Variants in TMEM132D observed in about 807,000 individuals in gnomAD.
The protein encoded by TMEM132D is transmembrane protein 132D, also known as mature OL transmembrane protein.
TMEM132D carries 21 observed loss-of-function variants against 62.3 expected under a neutral mutation model. The ratio of observed to expected loss-of-function variants is 0.34; its 90% CI spans 0.24 to 0.49. The LOEUF is 0.49. Among genes scored for constraint, TMEM132D ranks in the 20% least tolerant of loss-of-function variants. The pLI is 0.99. For missense variants in TMEM132D, 1,346 were observed against 1,402.8 expected, an observed-to-expected ratio of 0.96 and a Z score of 0.65; for synonymous variants, 621 against 575.6, an observed-to-expected ratio of 1.08 and a Z score of -1.13.
At chr12:129,490,593 C>A (rs1358559480) in intron 3 of TMEM132D, among the ~76,000 whole-genome samples, 126 of 96,208 alleles carry the variant, frequency 1.3e-3, no homozygotes, top group African/African-American at 6.4e-3. Flanking sequence ...CCACGCCCGG[C>A]TAATTTTTTT....
At chr12:129,452,830 A>C (rs1294360076) in intron 3 of TMEM132D, among the ~76,000 whole-genome samples, 1 of 152,190 alleles carries the variant, frequency 6.6e-6, no homozygotes, top group Non-Finnish European at 1.5e-5. Context: ...TAGTTAAATC[A>C]GGTATAACAT....
At chr12:129,214,541 G>T (rs1879148375) in intron 4 of TMEM132D, among the ~76,000 whole-genome samples, 1 of 152,142 alleles carries the variant, frequency 6.6e-6, no homozygotes, top group Non-Finnish European at 1.5e-5. Context: ...GCTGTAACAT[G>T]CCTGAATAAA....
intron 3 of TMEM132D, among the ~76,000 whole-genome samples, chr12:129,399,617 C>T (rs1370353112): frequency 7.0e-6 from 1 of 142,304 alleles, no homozygotes. Flanking sequence ...ATTTACCTGT[C>T]TAATAAAGAA....
chr12:129,722,888 T>C (rs1310604218), intron 1 of TMEM132D, among the ~76,000 whole-genome samples: 2 of 151,984 alleles, frequency 1.3e-5, no homozygotes, highest in African/African-American at 2.4e-5. Flanking sequence ...TACAGGCATA[T>C]GACACCACAT....
intron 5 of TMEM132D, among the ~76,000 whole-genome samples, chr12:129,104,458 T>A (rs1276372279): frequency 6.6e-6 from 1 of 152,192 alleles, no homozygotes; most frequent in East Asian, 1.9e-4. Context: ...AGCCTAGGCT[T>A]TACCATTCAG....
chr12:129,231,771 T>C (rs929264343), intron 4 of TMEM132D, among the ~76,000 whole-genome samples: 4 of 152,152 alleles, frequency 2.6e-5, no homozygotes, highest in African/African-American at 7.2e-5. Flanking sequence ...ACCCTAACTA[T>C]GGCCAACAGC....
At chr12:129,843,944 T>TAAA (rs1172893606) in intron 1 of TMEM132D, among the ~76,000 whole-genome samples, 14 of 151,590 alleles carry the variant, frequency 9.2e-5, no homozygotes, top group African/African-American at 3.4e-4. Context: ...AAAAAAAAAT[T>TAAA]TTTTTAATTA....
intron 2 of TMEM132D, among the ~76,000 whole-genome samples, chr12:129,547,646 T>C (rs1456670880): frequency 3.3e-5 from 5 of 152,202 alleles, no homozygotes; most frequent in Non-Finnish European, 7.3e-5. Context: ...TAAAATGTTG[T>C]TCTACAGGAT....
At position 129,605,620 on chromosome 12, in the gene TMEM132D, T is replaced by C. The variant is rs1565920105; in HGVS notation, c.969-74415A>G. 2.4e-4 allele frequency among the ~76,000 whole-genome samples: 27 copies of C among 111,342 alleles called. 2 individuals are homozygous for C. Among genetic ancestry groups the C allele is most frequent in the African/African-American group, 8.5e-4 (26 of 30,434 alleles). 73.0% of individuals were successfully genotyped at this position (111,342 alleles called of 152,430 possible). On this transcript the variant is annotated intron_variant, in intron 2 of 8. Transcript: ENST00000422113. Reference sequence around the variant, plus strand: ...ATATATATATACACACACATATATATATACACACACACACACACACACACA... The same window carrying C: ...ATATATATATACACACACATATATACATACACACACACACACACACACACA...
intron 1 of TMEM132D, among the ~76,000 whole-genome samples, chr12:129,724,904 T>A (rs1273625441): frequency 6.6e-6 from 1 of 152,202 alleles, no homozygotes; most frequent in Non-Finnish European, 1.5e-5. Flanking sequence ...CACGGGAAGA[T>A]AGCATTGTGA....
intron 2 of TMEM132D, among the ~76,000 whole-genome samples, chr12:129,631,224 C>T (rs1019545100): frequency 9.2e-5 from 14 of 152,148 alleles, no homozygotes; most frequent in African/African-American, 2.7e-4. Flanking sequence ...CTTCCTTCAG[C>T]GCTACTGCGT....
intron 4 of TMEM132D, among the ~76,000 whole-genome samples, chr12:129,302,626 C>T (rs375206179): frequency 1.1e-4 from 17 of 152,316 alleles, no homozygotes; most frequent in Admixed American, 5.9e-4. Context: ...CAGGCCCATT[C>T]CAGATGCTTC....
At chr12:129,391,608 C>T (rs763094776) in intron 3 of TMEM132D, among the ~76,000 whole-genome samples, 60 of 152,196 alleles carry the variant, frequency 3.9e-4, no homozygotes, top group Non-Finnish European at 7.5e-4. Context: ...TTTGTTATAC[C>T]CCAGTCCAGT....
At chr12:129,623,138 G>C (rs935278935) in intron 2 of TMEM132D, among the ~76,000 whole-genome samples, 2 of 152,198 alleles carry the variant, frequency 1.3e-5, no homozygotes, top group Admixed American at 1.3e-4. Flanking sequence ...CTGAAGCAAG[G>C]AGCATGCTTT....
At chr12:129,524,819 TACTCCAGCCTAGCGACAGAGTGAG>T (rs1377219044) in intron 3 of TMEM132D, among the ~76,000 whole-genome samples, 1 of 151,774 alleles carries the variant, frequency 6.6e-6, no homozygotes, top group Admixed American at 6.6e-5. Flanking sequence ...TGCGCCACTG[TACTCCAGCCTAGCGACAGAGTGAG>T]ACTCCGTCTC....
At chr12:129,374,864 G>A (rs1870737978) in intron 3 of TMEM132D, among the ~76,000 whole-genome samples, 1 of 152,184 alleles carries the variant, frequency 6.6e-6, no homozygotes. Context: ...TGTAAAAACT[G>A]TACTTGGGTG....
intron 3 of TMEM132D, among the ~76,000 whole-genome samples, chr12:129,451,371 C>T (rs1873282678): frequency 6.6e-6 from 1 of 152,112 alleles, no homozygotes; most frequent in Admixed American, 6.5e-5. Flanking sequence ...ATAGCTGCAC[C>T]CCTGCACGTG....
chr12:129,397,185 C>G (rs1398979303), intron 3 of TMEM132D, among the ~76,000 whole-genome samples: 1 of 152,192 alleles, frequency 6.6e-6, no homozygotes, highest in Non-Finnish European at 1.5e-5. Flanking sequence ...TCACCTCTCT[C>G]AGAACATCTC....
rs773562249 is a variant in TMEM132D, at chr12:129,664,869, T to C, written c.968+34941A>G. Among the ~76,000 whole-genome samples, 48 of 152,070 alleles carry C rather than the reference T, an allele frequency of 3.2e-4. 1 individual carries two copies. The highest frequency in any genetic ancestry group is 7.4e-5 in the Non-Finnish European group (5 of 68,026). On this transcript the variant is annotated intron_variant, in intron 2 of 8. Coordinates refer to ENST00000422113, the MANE Select transcript of TMEM132D (RefSeq NM_133448.3). ...CTGGACACAAAAACAATGACAGCAA[T>C]GACAACTAACCCTTACTGAACAGTT...
Sources: gnomAD v4.1 joint callset for allele counts (sites outside exome capture counted in the v4.1 genomes callset) on GRCh38, gnomAD v4.1.1 for gene constraint, MANE v1.5 for transcripts, NCBI Gene and HGNC (gene_info 2026-07-23, HGNC 2026-07-21) for gene names.